Variants in SNAPC3 observed in about 807,000 individuals in gnomAD.
SNAPC3 encodes snRNA-activating protein complex subunit 3.
A neutral mutation model predicts 47.7 loss-of-function variants in SNAPC3; 56 were observed. The ratio of observed to expected loss-of-function variants is 1.18; its 90% CI spans 0.95 to 1.47. The LOEUF (loss-of-function observed/expected upper bound fraction) is 1.47. SNAPC3 is among the 40% of genes most tolerant of loss of function. The pLI is 0.00. For synonymous variants in SNAPC3, 235 were observed against 189.9 expected, an observed-to-expected ratio of 1.24 and a Z score of -1.95; for missense variants, 665 against 511.3, an observed-to-expected ratio of 1.30 and a Z score of -2.90.
chr9:15,443,300 A>G (rs1488351687), intron 3 of SNAPC3, among the ~76,000 whole-genome samples: 2 of 152,234 alleles, frequency 1.3e-5, no homozygotes, highest in Non-Finnish European at 2.9e-5. Flanking sequence ...CACTTTGACT[A>G]GTAATTCCAA....
rs753326000 is a variant in SNAPC3 at position 15,423,116 on chromosome 9, C to A, written c.237C>A (p.Ser79=). The change falls in exon 1 of 9, where the codon TCC becomes TCA. Residue 79 remains serine (S), a synonymous_variant. Transcript: ENST00000380821. ...TGCCTGGGAGCCAGGCAGCTGACTCCGACCGGGAGGATGCCGCGGTGGCCA... is the reference window on the plus strand; with the variant it reads ...TGCCTGGGAGCCAGGCAGCTGACTCAGACCGGGAGGATGCCGCGGTGGCCA... ...SALPGSQAAD[S]DREDAAVARD... 1 of 1,550,826 alleles carries A rather than the reference C, an allele frequency of 6.4e-7. No individual in the cohort carries two copies. The highest frequency in any genetic ancestry group is 1.2e-5 in the South Asian group (1 of 83,184).
intron 2 of SNAPC3, among the ~76,000 whole-genome samples, chr9:15,427,646 C>T (rs1366582904): frequency 1.3e-5 from 2 of 152,152 alleles, no homozygotes; most frequent in African/African-American, 4.8e-5. Context: ...GACGCCCAGC[C>T]CTTCAGCAAC....
Position 15,451,378 on chromosome 9 carries a change from AC to A in SNAPC3, c.794del (p.Pro265GlnfsTer6). On this transcript the variant is annotated frameshift_variant, in exon 6 of 9. Transcript: ENST00000380821. LOFTEE classifies it high-confidence loss of function. Reference protein sequence around the residue: ...FEGTFYNDKRYPECRDLSRTI... With the variant: ...FEGTFYNDKRXPECRDLSRTI... ...GGAACATTTTATAATGATAAAAGAT[AC>A]CCAGAATGCAGAGATTTGAGCAGGT... 1.3e-6 allele frequency: 2 copies of A among 1,548,568 alleles called. No homozygotes were observed. The highest frequency in any genetic ancestry group is 2.3e-5 in the East Asian group (1 of 44,366).
At chr9:15,455,774 C>G (rs1045318317) in intron 7 of SNAPC3, among the ~76,000 whole-genome samples, 1 of 151,970 alleles carries the variant, frequency 6.6e-6, no homozygotes, top group African/African-American at 2.4e-5. Context: ...TCTCAGCTCA[C>G]CGCAACCTCT....
At chr9:15,465,563 C>G, downstream of SNAPC3, 1 of 1,585,718 alleles carries the variant, frequency 6.3e-7, no homozygotes, top group Non-Finnish European at 8.6e-7. Flanking sequence ...TTCAGTCTCT[C>G]TCTCTTCACT....
chr9:15,441,383 CTTT>C (rs77103785), intron 3 of SNAPC3, among the ~76,000 whole-genome samples: 1 of 59,570 alleles, frequency 1.7e-5, no homozygotes, highest in Non-Finnish European at 3.1e-5. Context: ...GTTCCCTTTT[CTTT>C]TTTTTTTTTT....
At chr9:15,463,433 T>C (rs554715506), downstream of SNAPC3, 13 of 131,038 alleles carry the variant, frequency 9.9e-5, no homozygotes, top group Non-Finnish European at 2.0e-4. Flanking sequence ...CATACGTACA[T>C]ACACACACAT....
intron 3 of SNAPC3, among the ~76,000 whole-genome samples, chr9:15,441,947 T>C (rs2033430028): frequency 1.3e-5 from 2 of 151,944 alleles, no homozygotes; most frequent in Admixed American, 6.6e-5. Context: ...GCAGAGGAGC[T>C]CCTCACTTCC....
chr9:15,442,614 G>A (rs2033565793), intron 3 of SNAPC3, among the ~76,000 whole-genome samples: 1 of 152,022 alleles, frequency 6.6e-6, no homozygotes, highest in South Asian at 2.1e-4. Context: ...CAGACAATGG[G>A]CGGCCGGGCA....
intron 2 of SNAPC3, among the ~76,000 whole-genome samples, chr9:15,424,293 G>A (rs6474916): frequency 0.69 from 105,413 of 152,064 alleles, 39,060 homozygotes; most frequent in Admixed American, 0.82. Flanking sequence ...TAAGAAAACC[G>A]TAAATACATA....
In SNAPC3 at chr9:15,433,601, C is replaced by T. The variant is rs757370718; in HGVS notation, c.442C>T (p.Arg148Ter). The part of the protein sequence containing the change: ...EHREETITID[R>*]ACRQETFVYE... ...TCGGGAAGAAACCATTACAATAGAT[C>T]GAGCCTGCAGACAAGAAACATTCGT... Residue 148 changes from arginine (R) to a stop codon, truncating the protein, a stop_gained, in exon 3 of 9, where the codon CGA becomes TGA. Coordinates refer to ENST00000380821, the MANE Select transcript of SNAPC3 (RefSeq NM_001039697.2). LOFTEE classifies it high-confidence loss of function. 6.2e-6 allele frequency: 10 copies of T among 1,608,480 alleles called. No individual in the cohort carries two copies. In the African/African-American group the frequency reaches 6.7e-5, roughly 11 times the overall value.
At chr9:15,441,834 T>C (rs1482345757) in intron 3 of SNAPC3, among the ~76,000 whole-genome samples, 1 of 151,998 alleles carries the variant, frequency 6.6e-6, no homozygotes, top group Non-Finnish European at 1.5e-5. Context: ...TCTCTATCTT[T>C]TCCCCACATT....
At chr9:15,463,211 G>A (rs1304424039), downstream of SNAPC3, 1 of 129,912 alleles carries the variant, frequency 7.7e-6, no homozygotes, top group African/African-American at 2.9e-5. Flanking sequence ...GTCATGGTAT[G>A]ACTCTTTTTT....
chr9:15,440,274 CT>C (rs1164852950), intron 3 of SNAPC3, among the ~76,000 whole-genome samples: 2 of 152,158 alleles, frequency 1.3e-5, no homozygotes, highest in Non-Finnish European at 2.9e-5. Context: ...TAGCAGTATT[CT>C]TTATTTCTTC....
At chr9:15,452,024 C>T (rs1363507193) in intron 6 of SNAPC3, among the ~76,000 whole-genome samples, 2 of 152,070 alleles carry the variant, frequency 1.3e-5, no homozygotes, top group Non-Finnish European at 2.9e-5. Context: ...AGTATGGTGG[C>T]ACGATCTCAG....
intron 3 of SNAPC3, among the ~76,000 whole-genome samples, chr9:15,441,125 A>G (rs573052388): frequency 2.6e-5 from 4 of 151,106 alleles, no homozygotes; most frequent in Admixed American, 6.6e-5. Context: ...AAGTTGATAC[A>G]TAATGATTGT....
chr9:15,449,717 T>C (rs1016983816), intron 5 of SNAPC3, among the ~76,000 whole-genome samples: 4 of 151,148 alleles, frequency 2.6e-5, no homozygotes, highest in Non-Finnish European at 5.9e-5. Flanking sequence ...ATTACAGGCA[T>C]GCACCACCAT....
intron 7 of SNAPC3, among the ~76,000 whole-genome samples, chr9:15,456,038 C>G (rs2131960773): frequency 6.6e-6 from 1 of 152,254 alleles, no homozygotes; most frequent in East Asian, 1.9e-4. Flanking sequence ...CCACGCCCAG[C>G]TAATTTTGTA....
chr9:15,442,747 C>G (rs970039889), intron 3 of SNAPC3, among the ~76,000 whole-genome samples: 4 of 152,180 alleles, frequency 2.6e-5, no homozygotes, highest in Non-Finnish European at 5.9e-5. Context: ...GGCAGAGACG[C>G]TCTTCACTTG....
Sources: gnomAD v4.1 joint callset for allele counts (sites outside exome capture counted in the v4.1 genomes callset) on GRCh38, gnomAD v4.1.1 for gene constraint, MANE v1.5 for transcripts, NCBI Gene and HGNC (gene_info 2026-07-23, HGNC 2026-07-21) for gene names.